Variants in SLCO1A2 observed in about 807,000 individuals in gnomAD.
SLCO1A2 encodes the protein solute carrier organic anion transporter family member 1A2, also known as OATP-1.
In SLCO1A2, 67 loss-of-function variants were observed where a neutral mutation model predicts 69.0. The observed-to-expected ratio is 0.97, with a 90% confidence interval of 0.80 to 1.19. SLCO1A2 has a LOEUF of 1.19. Among genes scored for constraint, SLCO1A2 ranks in the 50% most tolerant of loss-of-function variants. The probability of loss-of-function intolerance (pLI) is 0.00; values close to 1 mark genes in which losing one functional copy is unlikely to be tolerated. For synonymous variants in SLCO1A2, 260 were observed against 265.9 expected (o/e 0.98, Z 0.22); for missense variants, 787 against 793.7 (o/e 0.99, Z 0.10).
intron 2 of SLCO1A2, among the ~76,000 whole-genome samples, chr12:21,356,563 A>T (rs1330376585): frequency 1.3e-5 from 2 of 152,106 alleles, no homozygotes; most frequent in Non-Finnish European, 2.9e-5. Context: ...AAAAGGTAAC[A>T]TTCAGAGCTT....
At chr12:21,416,892 A>G (rs1319605385) in intron 1 of SLCO1A2, among the ~76,000 whole-genome samples, 1 of 152,204 alleles carries the variant, frequency 6.6e-6, no homozygotes, top group Non-Finnish European at 1.5e-5. Flanking sequence ...CAACAGTTTA[A>G]TTGGATCAGG....
intron 1 of SLCO1A2, among the ~76,000 whole-genome samples, chr12:21,405,901 T>A (rs1366493111): frequency 6.6e-6 from 1 of 152,238 alleles, no homozygotes; most frequent in Non-Finnish European, 1.5e-5. Flanking sequence ...ACCTCATTTT[T>A]AAACATATAC....
intron 1 of SLCO1A2, among the ~76,000 whole-genome samples, chr12:21,401,570 TGA>T (rs1466797098): frequency 6.6e-6 from 1 of 151,876 alleles, no homozygotes; most frequent in African/African-American, 2.4e-5. Context: ...ATAATTTTAT[TGA>T]GATACTAATT....
At chr12:21,320,309 G>C (rs552709328) in intron 2 of SLCO1A2, among the ~76,000 whole-genome samples, 95 of 152,152 alleles carry the variant, frequency 6.2e-4, no homozygotes, top group African/African-American at 2.1e-3. Context: ...AATGATATCA[G>C]CAACTTCACC....
At position 21,356,389 on chromosome 12, in the gene SLCO1A2, A is replaced by G. The variant is rs117918930; in HGVS notation, c.-63+18010T>C. 2.5e-4 allele frequency among the ~76,000 whole-genome samples: 38 copies of G among 152,158 alleles called. 1 individual carries two copies. The East Asian group carries it at 5.6e-3, about 22-fold the overall frequency. On this transcript the variant is annotated intron_variant, in intron 2 of 15. Transcript: ENST00000307378. ...AACTTTTCAGATTAACTCCCAAAAC[A>G]TATCTCTATTATATGCTGTGTATGA...
intron 2 of SLCO1A2, among the ~76,000 whole-genome samples, chr12:21,364,799 G>T (rs1939236300): frequency 6.6e-6 from 1 of 152,090 alleles, no homozygotes; most frequent in South Asian, 2.1e-4. Context: ...ATTCACAGTT[G>T]CTTCAAAGAG....
intron 1 of SLCO1A2, among the ~76,000 whole-genome samples, chr12:21,386,290 T>C (rs1940875235): frequency 6.6e-6 from 1 of 152,154 alleles, no homozygotes; most frequent in African/African-American, 2.4e-5. Flanking sequence ...AAAAACAATA[T>C]CTGCCTTGCA....
intron 12 of SLCO1A2, among the ~76,000 whole-genome samples, chr12:21,290,807 G>A (rs1477941754): frequency 6.6e-6 from 1 of 152,084 alleles, no homozygotes; most frequent in African/African-American, 2.4e-5. Flanking sequence ...TAAGAAACTT[G>A]TTAGATTTTA....
At chr12:21,405,019 C>T (rs1000500212) in intron 1 of SLCO1A2, among the ~76,000 whole-genome samples, 3 of 150,554 alleles carry the variant, frequency 2.0e-5, no homozygotes, top group Non-Finnish European at 4.4e-5. Flanking sequence ...GTTTGTTGGC[C>T]GCATAAACAT....
intron 14 of SLCO1A2, among the ~76,000 whole-genome samples, chr12:21,271,677 CTA>C (rs905591444): frequency 1.7e-5 from 2 of 119,288 alleles, no homozygotes; most frequent in African/African-American, 2.7e-5. Context: ...ACATATATAC[CTA>C]TGTGTATATA....
rs541758149 is a variant in SLCO1A2, at chr12:21,381,062, T to C, written c.-189-6537A>G. Among the ~76,000 whole-genome samples the C allele has an allele frequency of 8.5e-5, 13 of 152,054 alleles. No individual in the cohort carries two copies. The East Asian group carries it at 2.5e-3, about 29-fold the overall frequency. On this transcript the variant is annotated intron_variant, in intron 1 of 15. Coordinates refer to the SLCO1A2 transcript ENST00000307378. The stretch of plus-strand genomic sequence containing the variant: ...CAGCTTCCAGATAAGATCTCAGAAG[T>C]TGGGTGAGTGGGCTTAAGTATGTAC...
At chr12:21,319,629 G>T (rs899592661) in intron 2 of SLCO1A2, 2 of 430,886 alleles carry the variant, frequency 4.6e-6, no homozygotes, top group East Asian at 1.4e-4. Context: ...ATTTATTTTG[G>T]GAAGCTTTCC....
intron 2 of SLCO1A2, among the ~76,000 whole-genome samples, chr12:21,363,586 C>A (rs1419426919): frequency 1.3e-5 from 2 of 152,024 alleles, no homozygotes; most frequent in African/African-American, 4.8e-5. Flanking sequence ...AAAAACCCTT[C>A]AAAAAATAAA....
chr12:21,337,777 A>T (rs1272836982), upstream of SLCO1A2, among the ~76,000 whole-genome samples: 1 of 152,030 alleles, frequency 6.6e-6, no homozygotes, highest in Non-Finnish European at 1.5e-5. Flanking sequence ...GAAACTAAAG[A>T]ATAAAATAAT....
At chr12:21,395,747 C>A (rs560904798), upstream of SLCO1A2, among the ~76,000 whole-genome samples, 2 of 152,274 alleles carry the variant, frequency 1.3e-5, no homozygotes, top group African/African-American at 4.8e-5. Context: ...TGGGAGGCAC[C>A]CCCCAGCAGG....
intron 8 of SLCO1A2, 149 bp from the exon 9 acceptor site, chr12:21,297,717 G>C (rs1334200266): frequency 1.9e-5 from 11 of 575,046 alleles, no homozygotes; most frequent in Non-Finnish European, 3.2e-5. Flanking sequence ...CCCCTTGAAA[G>C]CTGAAGTCAT....
intron 2 of SLCO1A2, among the ~76,000 whole-genome samples, chr12:21,329,031 C>G (rs528925396): frequency 2.6e-4 from 39 of 152,242 alleles, no homozygotes; most frequent in African/African-American, 9.4e-4. Context: ...ATTATCCAGT[C>G]AGTTAGGCAG....
chr12:21,369,091 C>T (rs1051366098), intron 2 of SLCO1A2, among the ~76,000 whole-genome samples: 2 of 152,002 alleles, frequency 1.3e-5, no homozygotes, highest in African/African-American at 2.4e-5. Flanking sequence ...TCTTCTAATA[C>T]CATTTGAACA....
At chr12:21,310,557 C>T (rs1949991536) in intron 4 of SLCO1A2, among the ~76,000 whole-genome samples, 1 of 152,208 alleles carries the variant, frequency 6.6e-6, no homozygotes, top group Non-Finnish European at 1.5e-5. Context: ...GCAATTGACT[C>T]TTCCTTTCAC....
Sources: gnomAD v4.1 joint callset for allele counts (sites outside exome capture counted in the v4.1 genomes callset) on GRCh38, gnomAD v4.1.1 for gene constraint, MANE v1.5 for transcripts, NCBI Gene and HGNC (gene_info 2026-07-23, HGNC 2026-07-21) for gene names.